EDIL3: variants seen among roughly 807,000 people sequenced by gnomAD.
EDIL3 encodes the protein EGF-like repeat and discoidin I-like domain-containing protein 3.
Under a neutral mutation model 67.4 loss-of-function variants are expected in EDIL3, and 37 were observed. The observed-to-expected ratio is 0.55, with a 90% confidence interval of 0.42 to 0.72. The LOEUF (loss-of-function observed/expected upper bound fraction) is 0.72. EDIL3 is among the 30% of genes least tolerant of loss of function. The probability of loss-of-function intolerance (pLI) is 0.00; values close to 1 mark genes in which losing one functional copy is unlikely to be tolerated. For missense variants in EDIL3, 527 were observed against 586.3 expected, an observed-to-expected ratio of 0.90 and a Z score of 1.04; for synonymous variants, 195 against 196.3, an observed-to-expected ratio of 0.99 and a Z score of 0.05.
In EDIL3 at chr5:84,229,860, G is replaced by A. The variant is rs1187468940; in HGVS notation, c.221C>T (p.Ser74Leu). 1.9e-6 allele frequency: 3 copies of A among 1,585,592 alleles called. No homozygotes were observed. Among genetic ancestry groups the A allele is most frequent in the Admixed American group, 1.7e-5 (1 of 58,360 alleles). The change falls in exon 3 of 11, where the codon TCA (serine) becomes TTA (leucine). Residue 74 changes from serine (S) to leucine (L), a missense_variant. By Grantham distance (145) the Ser-to-Leu change is moderately radical. Coordinates refer to ENST00000296591, the MANE Select transcript of EDIL3 (RefSeq NM_005711.5). ...TTACAACATAGGAACTTTACCTGCT[G>A]AAGTTGGTTCTTCTTCATCTGATGC... ...EVASDEEEPT[S>L]AGPCTPNPCH... is the part of the protein sequence containing the mutation.
Position 84,191,494 on chromosome 5 carries a change from C to T in EDIL3, c.227-10973G>A, listed in dbSNP as rs1743584942. The stretch of plus-strand genomic sequence containing the variant: ...CCTCCTCAGGTCTCACATGTGGCTT[C>T]CTTGTGGCAGATTTGAGGAGGCATA... On this transcript the variant is annotated intron_variant, in intron 3 of 10. Coordinates refer to ENST00000296591, the MANE Select transcript of EDIL3 (RefSeq NM_005711.5). Among the ~76,000 whole-genome samples the T allele has an allele frequency of 2.0e-5, 3 of 151,984 alleles. No homozygotes were observed. In the South Asian group the frequency reaches 6.2e-4, roughly 31 times the overall value.
intron 9 of EDIL3, among the ~76,000 whole-genome samples, chr5:84,039,315 A>T (rs922189717): frequency 6.6e-6 from 1 of 152,162 alleles, no homozygotes; most frequent in Non-Finnish European, 1.5e-5. Context: ...TACTGAGTTG[A>T]TCACCTGAAT....
chr5:84,098,981 G>T (rs1392651805), intron 6 of EDIL3, among the ~76,000 whole-genome samples: 1 of 152,078 alleles, frequency 6.6e-6, no homozygotes, highest in East Asian at 1.9e-4. Context: ...GTTCACTCAT[G>T]ATTTGGCTCT....
Position 84,085,298 on chromosome 5 carries a change from T to C in EDIL3, c.652-18692A>G, listed in dbSNP as rs375244458. The stretch of plus-strand genomic sequence containing the variant: ...TTTTCAGCATTTTTGCGCTGATTTT[T>C]CCTTATCTTCATGGAGTTATCTACC... On this transcript the variant is annotated intron_variant, in intron 6 of 10. Coordinates refer to ENST00000296591, the MANE Select transcript of EDIL3 (RefSeq NM_005711.5). 7.5e-3 allele frequency among the ~76,000 whole-genome samples: 1,140 copies of C among 152,356 alleles called. 14 individuals carry two copies. Among genetic ancestry groups the C allele is most frequent in the Middle Eastern group, 0.01 (3 of 294 alleles).
At chr5:84,074,893 T>C (rs977889097) in intron 6 of EDIL3, among the ~76,000 whole-genome samples, 7 of 152,272 alleles carry the variant, frequency 4.6e-5, no homozygotes, top group South Asian at 4.1e-4. Flanking sequence ...TAAAGACACA[T>C]GCACACGTAT....
chr5:84,145,827 C>G lies in EDIL3; in HGVS notation c.356-8473G>C, dbSNP rs1748282641. On this transcript the variant is annotated intron_variant, in intron 4 of 10. Coordinates refer to ENST00000296591, the MANE Select transcript of EDIL3 (RefSeq NM_005711.5). ...TATCTGAAATTCAAATTTACCTGGGCACATTTATCTAGAAACCCTACCTGA... is the reference window on the plus strand; with the variant it reads ...TATCTGAAATTCAAATTTACCTGGGGACATTTATCTAGAAACCCTACCTGA... Among the ~76,000 whole-genome samples the G allele has an allele frequency of 0.015, 3 of 206 alleles. No homozygotes were observed. In the South Asian group the frequency reaches 0.19, roughly 13 times the overall value. 0.1% of individuals were successfully genotyped at this position (206 alleles called of 152,430 possible).
chr5:84,008,258 T>C (rs1745461231), intron 9 of EDIL3, among the ~76,000 whole-genome samples: 1 of 152,154 alleles, frequency 6.6e-6, no homozygotes, highest in Non-Finnish European at 1.5e-5. Context: ...AATAATTTAT[T>C]GTACATTTAA....
chr5:84,114,535 GTGA>G (rs1747630575), intron 5 of EDIL3, among the ~76,000 whole-genome samples: 1 of 152,114 alleles, frequency 6.6e-6, no homozygotes, highest in Admixed American at 6.6e-5. Context: ...ATTCCACTTG[GTGA>G]TGTTCATCTC....
intron 1 of EDIL3, among the ~76,000 whole-genome samples, chr5:84,370,326 C>T (rs998860793): frequency 6.6e-6 from 1 of 152,158 alleles, no homozygotes; most frequent in Non-Finnish European, 1.5e-5. Context: ...CCTCGGCAGA[C>T]ACAGTTCCCA....
chr5:84,380,928 A>G (rs1748062717), intron 1 of EDIL3, among the ~76,000 whole-genome samples: 1 of 152,044 alleles, frequency 6.6e-6, no homozygotes, highest in Non-Finnish European at 1.5e-5. Flanking sequence ...GAGAAAAGCA[A>G]ACTTTATTAA....
intron 9 of EDIL3, among the ~76,000 whole-genome samples, chr5:84,054,687 G>A (rs368120635): frequency 6.6e-6 from 1 of 151,910 alleles, no homozygotes; most frequent in Non-Finnish European, 1.5e-5. Flanking sequence ...AGAGCCAAAT[G>A]ATGAGTGAAC....
At chr5:84,276,928 G>A (rs752348771) in intron 1 of EDIL3, among the ~76,000 whole-genome samples, 2 of 151,924 alleles carry the variant, frequency 1.3e-5, no homozygotes, top group Admixed American at 1.3e-4. Flanking sequence ...GTTATATATA[G>A]CACACTCAAA....
intron 10 of EDIL3, among the ~76,000 whole-genome samples, chr5:83,962,109 T>C (rs1480278345): frequency 2.0e-5 from 3 of 151,476 alleles, no homozygotes; most frequent in African/African-American, 2.4e-5. Flanking sequence ...TAAACAGCCA[T>C]TACAGCCCTA....
intron 4 of EDIL3, among the ~76,000 whole-genome samples, chr5:84,158,753 C>T (rs566931990): frequency 1.2e-3 from 176 of 152,078 alleles, no homozygotes; most frequent in African/African-American, 3.4e-3. Flanking sequence ...TTTAGAAATA[C>T]GCTTACTTAA....
chr5:84,176,197 TAATATATATATATA>T (rs1464039380), intron 4 of EDIL3, among the ~76,000 whole-genome samples: 170 of 106,624 alleles, frequency 1.6e-3, no homozygotes, highest in East Asian at 0.013. Flanking sequence ...TATATATATA[TAATATATATATATA>T]TATATATATA....
intron 4 of EDIL3, among the ~76,000 whole-genome samples, chr5:84,174,729 G>A (rs978952012): frequency 3.3e-5 from 5 of 152,160 alleles, no homozygotes; most frequent in African/African-American, 7.2e-5. Context: ...TCTATGGAGA[G>A]CTGCTGCTTT....
chr5:84,178,146 C>A (rs1233602429), intron 4 of EDIL3, among the ~76,000 whole-genome samples: 1 of 152,134 alleles, frequency 6.6e-6, no homozygotes, highest in Admixed American at 6.6e-5. Context: ...AGTTGCTAAG[C>A]TATGAAATTA....
At chr5:84,011,252 T>C (rs781669798) in intron 9 of EDIL3, among the ~76,000 whole-genome samples, 1 of 152,180 alleles carries the variant, frequency 6.6e-6, no homozygotes, top group Non-Finnish European at 1.5e-5. Context: ...TCTAATCTTC[T>C]GTATCTTAGC....
intron 9 of EDIL3, among the ~76,000 whole-genome samples, chr5:83,997,306 T>A (rs1248256584): frequency 6.6e-6 from 1 of 151,966 alleles, no homozygotes; most frequent in African/African-American, 2.4e-5. Context: ...GTTAAAGAAA[T>A]GAAAATGATG....
Sources: allele counts gnomAD v4.1 joint callset (sites outside exome capture counted in the v4.1 genomes callset), GRCh38; gene constraint gnomAD v4.1.1; transcripts MANE v1.5; gene names NCBI Gene and HGNC (gene_info 2026-07-23, HGNC 2026-07-21).